The following CNTNAP2 variants were observed in gnomAD, a reference collection of about 807,000 sequenced individuals.
The protein encoded by CNTNAP2 is contactin-associated protein-like 2.
In CNTNAP2, 98 loss-of-function variants were observed where a neutral mutation model predicts 155.2. The ratio of observed to expected loss-of-function variants is 0.63; its 90% CI spans 0.54 to 0.75. The LOEUF is 0.75. CNTNAP2 is among the 30% of genes least tolerant of loss of function. CNTNAP2 has a pLI of 0.00. For missense variants in CNTNAP2, 1,727 were observed against 1,688.1 expected, an observed-to-expected ratio of 1.02 and a Z score of -0.40; for synonymous variants, 651 against 631.2, an observed-to-expected ratio of 1.03 and a Z score of -0.47.
At chr7:147,525,889 A>G (rs1398130306) in intron 11 of CNTNAP2, among the ~76,000 whole-genome samples, 3 of 152,052 alleles carry the variant, frequency 2.0e-5, no homozygotes. Flanking sequence ...CAGTAGTCCA[A>G]TTGTTTTAGA....
chr7:146,412,572 G>GATTTATGTAGCATTTATGTAGC (rs1362708208), intron 1 of CNTNAP2, among the ~76,000 whole-genome samples: 2 of 152,190 alleles, frequency 1.3e-5, no homozygotes, highest in African/African-American at 4.8e-5. Context: ...CCACTTGTGA[G>GATTTATGTAGCATTTATGTAGC]ATTTATGTAG....
At chr7:147,162,217 A>G (rs1028381842) in intron 8 of CNTNAP2, 1 of 152,202 alleles carries the variant, frequency 6.6e-6, no homozygotes, top group East Asian at 1.9e-4. Context: ...GTCCACCAGT[A>G]TTCTTATTTA....
At chr7:148,117,673 C>T (rs2116607510) in intron 15 of CNTNAP2, among the ~76,000 whole-genome samples, 1 of 152,218 alleles carries the variant, frequency 6.6e-6, no homozygotes, top group South Asian at 2.1e-4. Context: ...CCCACCCACC[C>T]ACAGAGTAAC....
intron 1 of CNTNAP2, among the ~76,000 whole-genome samples, chr7:146,264,703 C>T (rs879789663): frequency 7.9e-5 from 12 of 151,888 alleles, no homozygotes; most frequent in Admixed American, 3.3e-4. Flanking sequence ...AGCGAGGAAG[C>T]GAGAAAAAAC....
chr7:147,510,793 A>G (rs1799002311), intron 11 of CNTNAP2, among the ~76,000 whole-genome samples: 1 of 144,826 alleles, frequency 6.9e-6, no homozygotes, highest in South Asian at 2.2e-4. Context: ...TTATTACAAC[A>G]CTCAATTTCT....
At chr7:147,378,458 A>T (rs1647004103) in intron 9 of CNTNAP2, among the ~76,000 whole-genome samples, 1 of 152,072 alleles carries the variant, frequency 6.6e-6, no homozygotes, top group Non-Finnish European at 1.5e-5. Flanking sequence ...TTGCAACTAC[A>T]TAGATAGAAC....
rs547832982 is a variant in CNTNAP2 at position 148,373,166 on chromosome 7, A to T, written c.3476-10483A>T. On this transcript the variant is annotated intron_variant, in intron 21 of 23. Coordinates refer to ENST00000361727, the MANE Select transcript of CNTNAP2 (RefSeq NM_014141.6). Reference sequence around the variant, plus strand: ...TACCCTTTTTAAAAATAAAAAATAAAAAAAAAGTAGGCCAGGTGCAGTGGC... The same window carrying T: ...TACCCTTTTTAAAAATAAAAAATAATAAAAAAGTAGGCCAGGTGCAGTGGC... 1.2e-3 allele frequency among the ~76,000 whole-genome samples: 177 copies of T among 152,252 alleles called. 1 individual carries two copies. The highest frequency in any genetic ancestry group is 1.8e-3 in the Non-Finnish European group (121 of 68,012).
At chr7:146,968,224 G>A (rs1277253650) in intron 3 of CNTNAP2, among the ~76,000 whole-genome samples, 2 of 151,892 alleles carry the variant, frequency 1.3e-5, no homozygotes, top group Non-Finnish European at 2.9e-5. Context: ...GTATTTTATT[G>A]CGGATTTTTG....
chr7:147,888,935 C>T (rs975236070), intron 13 of CNTNAP2, among the ~76,000 whole-genome samples: 4 of 151,840 alleles, frequency 2.6e-5, no homozygotes, highest in Admixed American at 2.6e-4. Flanking sequence ...CAAACATTGA[C>T]AATATTGAGC....
At chr7:146,383,913 A>G (rs1018401546) in intron 1 of CNTNAP2, among the ~76,000 whole-genome samples, 17 of 152,170 alleles carry the variant, frequency 1.1e-4, no homozygotes, top group African/African-American at 3.9e-4. Flanking sequence ...TTGATAGCAT[A>G]ATAAGTATCA....
At chr7:148,104,504 C>T (rs1804169354) in intron 15 of CNTNAP2, among the ~76,000 whole-genome samples, 1 of 152,192 alleles carries the variant, frequency 6.6e-6, no homozygotes, top group African/African-American at 2.4e-5. Context: ...TCCTGCTCTG[C>T]ACAGTGGTGG....
chr7:147,510,850 C>CATATATATATATGTAT lies in CNTNAP2; in HGVS notation c.1777+24821_1777+24822insGTATATATATATATAT, dbSNP rs1554400052. Among the ~76,000 whole-genome samples, 54 of 76,404 alleles carry CATATATATATATGTAT rather than the reference C, an allele frequency of 7.1e-4. 3 individuals are homozygous for CATATATATATATGTAT. The East Asian group carries it at 0.017, about 24-fold the overall frequency. 50.1% of individuals were successfully genotyped at this position (76,404 alleles called of 152,430 possible). A position where few individuals can be genotyped will look rare whatever the true frequency, so the allele number is the denominator to read the frequency against. On this transcript the variant is annotated intron_variant, in intron 11 of 23. Transcript: ENST00000361727. ...AGTGCTCCTGTGATGGGCCTACAACCATATATATATATATATATATAATGC... is the reference window on the plus strand; with the variant it reads ...AGTGCTCCTGTGATGGGCCTACAACCATATATATATATGTATATATATATATATATATATATAATGC...
At chr7:146,280,351 T>C (rs1800231624) in intron 1 of CNTNAP2, among the ~76,000 whole-genome samples, 1 of 152,208 alleles carries the variant, frequency 6.6e-6, no homozygotes, top group Admixed American at 6.5e-5. Flanking sequence ...TTTTCTTTCC[T>C]ACTTTCTTTT....
chr7:146,992,534 T>C (rs936561193), intron 3 of CNTNAP2, among the ~76,000 whole-genome samples: 2 of 152,064 alleles, frequency 1.3e-5, no homozygotes, highest in East Asian at 1.9e-4. Context: ...GCCTCATAGA[T>C]TGAATCCCAG....
chr7:146,643,109 T>A (rs868080247), intron 1 of CNTNAP2, among the ~76,000 whole-genome samples: 6,165 of 148,088 alleles, frequency 0.042, 396 homozygotes, highest in African/African-American at 0.15. Flanking sequence ...TTTTGTAGGT[T>A]GCCTGTTCAC....
intron 9 of CNTNAP2, among the ~76,000 whole-genome samples, chr7:147,353,097 A>C (rs1252673115): frequency 3.5e-5 from 3 of 86,420 alleles, no homozygotes; most frequent in African/African-American, 1.2e-4. Flanking sequence ...ATATATATAG[A>C]CACACACACA....
intron 1 of CNTNAP2, among the ~76,000 whole-genome samples, chr7:146,414,189 A>G (rs1178517993): frequency 6.6e-6 from 1 of 152,104 alleles, no homozygotes; most frequent in Admixed American, 6.6e-5. Context: ...GTTTTTGTAA[A>G]TTTATTCGTG....
At chr7:146,192,603 C>A (rs960301906) in intron 1 of CNTNAP2, among the ~76,000 whole-genome samples, 4 of 152,144 alleles carry the variant, frequency 2.6e-5, no homozygotes, top group Non-Finnish European at 5.9e-5. Flanking sequence ...TGGGAAAGAC[C>A]CACCCCCATG....
At chr7:147,385,062 A>G (rs1490217779) in intron 9 of CNTNAP2, among the ~76,000 whole-genome samples, 1 of 152,196 alleles carries the variant, frequency 6.6e-6, no homozygotes, top group Non-Finnish European at 1.5e-5. Flanking sequence ...GAAAAGAGAG[A>G]GAACTTGTGC....
Sources: gnomAD v4.1 joint callset for allele counts (sites outside exome capture counted in the v4.1 genomes callset) on GRCh38, gnomAD v4.1.1 for gene constraint, MANE v1.5 for transcripts, NCBI Gene and HGNC (gene_info 2026-07-23, HGNC 2026-07-21) for gene names.